PTK7: variants seen among roughly 807,000 people sequenced by gnomAD.
PTK7 encodes the protein inactive tyrosine-protein kinase 7.
In PTK7, 39 loss-of-function variants were observed where a neutral mutation model predicts 116.6. The observed-to-expected ratio is 0.33, with a 90% CI of 0.26 to 0.44. The LOEUF is 0.44. Among genes scored for constraint, PTK7 ranks in the 20% least tolerant of loss-of-function variants. The probability of loss-of-function intolerance (pLI) is 1.00; values close to 1 mark genes in which losing one functional copy is unlikely to be tolerated. For synonymous variants in PTK7, 546 were observed against 563.6 expected (o/e 0.97, Z 0.44); for missense variants, 1,169 against 1,425.6 (o/e 0.82, Z 2.90).
At chr6:43,142,554 A>C in intron 13 of PTK7, 9 of 577,868 alleles carry the variant, frequency 1.6e-5, no homozygotes, top group Admixed American at 2.3e-5. Context: ...TCTTCCTACA[A>C]TGCTGCCTCC....
At chr6:43,118,657 C>CTATA (rs1374096197) in intron 1 of PTK7, among the ~76,000 whole-genome samples, 12 of 61,054 alleles carry the variant, frequency 2.0e-4, no homozygotes, top group East Asian at 4.0e-4. Context: ...CTCTCTCTCT[C>CTATA]TCTATATATA....
chr6:43,118,679 ATATATATATG>A (rs1337534692), intron 1 of PTK7, among the ~76,000 whole-genome samples: 120 of 114,576 alleles, frequency 1.0e-3, no homozygotes, highest in East Asian at 3.9e-3. Context: ...ATATATATAT[ATATATATATG>A]TATATATGTA....
intron 1 of PTK7, among the ~76,000 whole-genome samples, chr6:43,118,620 C>CCT (rs1170818291): frequency 0.033 from 2,066 of 62,972 alleles, 17 homozygotes; most frequent in Non-Finnish European, 0.051. Flanking sequence ...AATATTTTAA[C>CCT]CTCTCTCTCT....
intron 1 of PTK7, among the ~76,000 whole-genome samples, chr6:43,125,875 C>T (rs1379581246): frequency 6.6e-6 from 1 of 152,142 alleles, no homozygotes; most frequent in African/African-American, 2.4e-5. Flanking sequence ...CTCATTCCAG[C>T]CCCTTAGCTG....
intron 1 of PTK7, among the ~76,000 whole-genome samples, chr6:43,094,259 A>C (rs990403200): frequency 6.6e-6 from 1 of 152,178 alleles, no homozygotes; most frequent in Admixed American, 6.5e-5. Flanking sequence ...CGTCGGTGTG[A>C]AACAGCCTTA....
At chr6:43,095,262 C>T (rs1234793231) in intron 1 of PTK7, among the ~76,000 whole-genome samples, 1 of 147,986 alleles carries the variant, frequency 6.8e-6, no homozygotes, top group South Asian at 2.2e-4. Context: ...ATCCCAGCTA[C>T]TTGAGAGGCT....
At chr6:43,105,528 T>A (rs1767838904) in intron 1 of PTK7, among the ~76,000 whole-genome samples, 1 of 151,780 alleles carries the variant, frequency 6.6e-6, no homozygotes, top group South Asian at 2.1e-4. Context: ...AAATACATGT[T>A]GAAGTCCTAA....
At chr6:43,131,400 C>T (rs1769673668) in intron 5 of PTK7, among the ~76,000 whole-genome samples, 1 of 152,154 alleles carries the variant, frequency 6.6e-6, no homozygotes, top group Non-Finnish European at 1.5e-5. Flanking sequence ...CATTTTAATG[C>T]TGCTGATAAA....
chr6:43,121,066 T>G (rs1055286178), intron 1 of PTK7, among the ~76,000 whole-genome samples: 3 of 150,874 alleles, frequency 2.0e-5, no homozygotes, highest in Non-Finnish European at 4.4e-5. Context: ...GTTTTTTTTT[T>G]TTTTTTTTTT....
At chr6:43,159,587 C>G in intron 18 of PTK7, 1 of 591,996 alleles carries the variant, frequency 1.7e-6, no homozygotes, top group Admixed American at 3.1e-5. Flanking sequence ...ATTTTTTAAC[C>G]ATCAAACCTC....
chr6:43,102,869 C>T (rs569131873), intron 1 of PTK7, among the ~76,000 whole-genome samples: 12 of 152,124 alleles, frequency 7.9e-5, no homozygotes, highest in Non-Finnish European at 1.3e-4. Context: ...TACCCATCGT[C>T]CCAGCTAGTT....
Position 43,161,049 on chromosome 6 carries a change from C to T in PTK7, c.*168C>T. 2 of 1,022,808 alleles carry T rather than the reference C, an allele frequency of 2.0e-6. No individual in the cohort carries two copies. Among genetic ancestry groups the T allele is most frequent in the South Asian group, 3.6e-5 (2 of 55,530 alleles). 63.4% of individuals were successfully genotyped at this position (1,022,808 alleles called of 1,614,324 possible). On this transcript the variant is annotated 3_prime_UTR_variant, in exon 20 of 20. Coordinates refer to ENST00000230419, the MANE Select transcript of PTK7 (RefSeq NM_002821.5). Reference sequence around the variant, plus strand: ...CCTGGCCTTTCCTCCTCTTCCTCACCCTCATCCTTTGGGAGGCTGACTTGG... The same window carrying T: ...CCTGGCCTTTCCTCCTCTTCCTCACTCTCATCCTTTGGGAGGCTGACTTGG...
intron 17 of PTK7, among the ~76,000 whole-genome samples, chr6:43,157,362 A>T (rs1183079895): frequency 0.68 from 23,356 of 34,140 alleles, 6,906 homozygotes; most frequent in Non-Finnish European, 0.71. Flanking sequence ...ATATATATAT[A>T]TATTTTTTTT....
intron 17 of PTK7, among the ~76,000 whole-genome samples, chr6:43,156,774 T>C (rs1277231139): frequency 4.6e-5 from 7 of 152,076 alleles, no homozygotes; most frequent in African/African-American, 1.4e-4. Context: ...TGCGCGCCTG[T>C]AATCCCAGCT....
At chr6:43,087,979 C>T (rs1766748603) in intron 1 of PTK7, among the ~76,000 whole-genome samples, 1 of 152,156 alleles carries the variant, frequency 6.6e-6, no homozygotes, top group African/African-American at 2.4e-5. Flanking sequence ...AAAGTACGAT[C>T]TGCCTAGCAC....
chr6:43,138,958 C>T lies in PTK7; in HGVS notation c.1338C>T (p.Tyr446=), dbSNP rs1441510508. 11 of 1,614,048 alleles carry T rather than the reference C, an allele frequency of 6.8e-6. No individual in the cohort carries two copies. Among genetic ancestry groups the T allele is most frequent in the East Asian group, 2.2e-5 (1 of 44,884 alleles). The part of the protein sequence containing the change: ...QATPKPTVVW[Y]RNQMLISEDS... ...CACCAAAACCTACAGTTGTCTGGTA[C>T]AGAAACCAGATGCTCATCTCAGAGG... Residue 446 remains tyrosine (Y), a synonymous_variant, in exon 8 of 20, where the codon TAC becomes TAT. Transcript: ENST00000230419.
intron 1 of PTK7, among the ~76,000 whole-genome samples, chr6:43,122,628 G>C (rs1461100604): frequency 7.4e-6 from 1 of 134,742 alleles, no homozygotes; most frequent in Non-Finnish European, 1.6e-5. Context: ...TTTTTTTTGA[G>C]ATGGATCTTG....
In PTK7 at chr6:43,094,019, G is replaced by A. The variant is rs114481534; in HGVS notation, c.79+17452G>A. Among the ~76,000 whole-genome samples, 1,493 of 152,338 alleles carry A rather than the reference G, an allele frequency of 9.8e-3. 6 individuals carry two copies. Among genetic ancestry groups the A allele is most frequent in the Non-Finnish European group, 0.017 (1,153 of 68,038 alleles). On this transcript the variant is annotated intron_variant, in intron 1 of 19. Coordinates refer to ENST00000230419, the MANE Select transcript of PTK7 (RefSeq NM_002821.5). Reference sequence around the variant, plus strand: ...AAAGTTATACTTCTACGCAAAGGAAGACTGGGCCAGCAGTCAGTCTGATTG... The same window carrying A: ...AAAGTTATACTTCTACGCAAAGGAAAACTGGGCCAGCAGTCAGTCTGATTG...
chr6:43,146,583 A>G (rs1770742937), intron 16 of PTK7, 35 bp from the exon 17 acceptor site: 6 of 1,592,660 alleles, frequency 3.8e-6, no homozygotes, highest in Admixed American at 3.3e-5. Context: ...ATGGCTGTGC[A>G]CTGACCTGAG....
Sources: gnomAD v4.1 joint callset for allele counts (sites outside exome capture counted in the v4.1 genomes callset) on GRCh38, gnomAD v4.1.1 for gene constraint, MANE v1.5 for transcripts, NCBI Gene and HGNC (gene_info 2026-07-23, HGNC 2026-07-21) for gene names.